The following ZC2HC1A variants were observed in gnomAD, a reference collection of about 807,000 sequenced individuals.
ZC2HC1A encodes zinc finger C2HC domain-containing protein 1A.
ZC2HC1A carries 28 observed loss-of-function variants against 40.7 expected under a neutral mutation model. That is an observed-to-expected ratio of 0.69 (90% CI 0.51 to 0.94). The LOEUF (loss-of-function observed/expected upper bound fraction) is 0.94. ZC2HC1A is among the 40% of genes least tolerant of loss of function. The pLI is 0.00. For missense variants in ZC2HC1A, 389 were observed against 386.3 expected, an observed-to-expected ratio of 1.01 and a Z score of -0.06; for synonymous variants, 129 against 129.2, an observed-to-expected ratio of 1.00 and a Z score of 0.01.
intron 5 of ZC2HC1A, among the ~76,000 whole-genome samples, chr8:78,696,138 C>T (rs1358187355): frequency 6.6e-6 from 1 of 151,890 alleles, no homozygotes; most frequent in African/African-American, 2.4e-5. Flanking sequence ...GGGTTCACGC[C>T]ATTCTCCTGC....
chr8:78,666,939 A>T (rs1298751364), intron 1 of ZC2HC1A, among the ~76,000 whole-genome samples: 1 of 152,240 alleles, frequency 6.6e-6, no homozygotes, highest in East Asian at 1.9e-4. Context: ...GGAAGGACAA[A>T]AACCACAATA....
intron 5 of ZC2HC1A, among the ~76,000 whole-genome samples, chr8:78,693,655 G>A (rs1810296512): frequency 6.6e-6 from 1 of 151,954 alleles, no homozygotes; most frequent in African/African-American, 2.4e-5. Flanking sequence ...TGAGTAGATT[G>A]CAAAAATTTT....
At chr8:78,686,340 GAT>G in intron 3 of ZC2HC1A, 125 bp from the exon 4 acceptor site, 1 of 770,846 alleles carries the variant, frequency 1.3e-6, no homozygotes, top group African/African-American at 1.8e-5. Flanking sequence ...ATTTGAGAAG[GAT>G]ATCATTTAAG....
At chr8:78,676,143 A>C in intron 2 of ZC2HC1A, 2 of 236,592 alleles carry the variant, frequency 8.5e-6, no homozygotes, top group Non-Finnish European at 8.0e-6. Flanking sequence ...AAAAAACAAA[A>C]TCAGATACCT....
chr8:78,715,142 C>G (rs1811059647), intron 7 of ZC2HC1A, 79 bp from the exon 8 acceptor site: 2 of 1,227,364 alleles, frequency 1.6e-6, no homozygotes, highest in Non-Finnish European at 1.1e-6. Flanking sequence ...AGTATTCTTT[C>G]TAGTCATGTG....
At chr8:78,700,337 T>A (rs1389018759) in intron 7 of ZC2HC1A, among the ~76,000 whole-genome samples, 3 of 152,096 alleles carry the variant, frequency 2.0e-5, no homozygotes, top group African/African-American at 7.2e-5. Flanking sequence ...CTTGTAAGTT[T>A]CTTTTTTTCT....
chr8:78,692,963 T>C (rs1040226052), intron 5 of ZC2HC1A, among the ~76,000 whole-genome samples: 161 of 152,046 alleles, frequency 1.1e-3, no homozygotes, highest in Non-Finnish European at 1.6e-3. Flanking sequence ...TTCCCACCTA[T>C]GAGTGAGAAC....
chr8:78,682,451 A>G (rs924676179), intron 3 of ZC2HC1A, among the ~76,000 whole-genome samples: 2 of 152,164 alleles, frequency 1.3e-5, no homozygotes, highest in African/African-American at 2.4e-5. Context: ...CACATCTTAC[A>G]TGGCGGCAGA....
chr8:78,693,211 T>G (rs555073318), intron 5 of ZC2HC1A, among the ~76,000 whole-genome samples: 2 of 152,172 alleles, frequency 1.3e-5, no homozygotes, highest in African/African-American at 4.8e-5. Flanking sequence ...TGTGTCTTTA[T>G]AGCAGCATGA....
rs1348693474 is a variant in ZC2HC1A, at chr8:78,718,436, A to G, written c.*943A>G. On this transcript the variant is annotated 3_prime_UTR_variant, in exon 9 of 9. Transcript: ENST00000263849. ...ATTTTAATGCATCTTAAATCACGTC[A>G]CCTAATCATAATAGTTGTGGTAACT... 1 of 151,962 alleles carries G rather than the reference A, an allele frequency of 6.6e-6. No individual in the cohort carries two copies. Among genetic ancestry groups the G allele is most frequent in the African/African-American group, 2.4e-5 (1 of 41,448 alleles). 9.4% of individuals were successfully genotyped at this position (151,962 alleles called of 1,614,324 possible).
chr8:78,697,914 G>A (rs996656869), intron 6 of ZC2HC1A, among the ~76,000 whole-genome samples: 7 of 151,974 alleles, frequency 4.6e-5, no homozygotes, highest in African/African-American at 1.5e-4. Flanking sequence ...TCCTGAACTC[G>A]TGATCCCCCA....
chr8:78,675,375 T>C (rs1809548120), intron 1 of ZC2HC1A, among the ~76,000 whole-genome samples: 1 of 151,986 alleles, frequency 6.6e-6, no homozygotes. Context: ...CTTCAAATCA[T>C]CTCAGGAAGT....
intron 5 of ZC2HC1A, among the ~76,000 whole-genome samples, chr8:78,696,370 G>A (rs1298700096): frequency 1.3e-5 from 2 of 152,076 alleles, no homozygotes; most frequent in East Asian, 1.9e-4. Flanking sequence ...TCTTGATACC[G>A]TATTGGGCTA....
At position 78,718,613 on chromosome 8, in the gene ZC2HC1A, T is replaced by A. The variant is rs1250904971; in HGVS notation, c.*1120T>A. The A allele has an allele frequency of 1.3e-4, 20 of 151,858 alleles. No homozygotes were observed. 9.4% of individuals were successfully genotyped at this position (151,858 alleles called of 1,614,324 possible). ...TGTTGAAACACCATTCACGTCACAT[T>A]AAGGACCCACTGAAAATGTATTGTT... On this transcript the variant is annotated 3_prime_UTR_variant, in exon 9 of 9. Coordinates refer to ENST00000263849, the MANE Select transcript of ZC2HC1A (RefSeq NM_016010.3).
intron 3 of ZC2HC1A, among the ~76,000 whole-genome samples, chr8:78,680,836 A>G (rs1425398417): frequency 1.3e-5 from 2 of 152,186 alleles, no homozygotes; most frequent in African/African-American, 2.4e-5. Context: ...GAGAGATCTT[A>G]TCAGATAGTA....
At chr8:78,700,072 A>C (rs1305589543) in intron 7 of ZC2HC1A, among the ~76,000 whole-genome samples, 1 of 152,190 alleles carries the variant, frequency 6.6e-6, no homozygotes, top group African/African-American at 2.4e-5. Context: ...AGTAATTTAC[A>C]TTCCCACCAG....
In ZC2HC1A at chr8:78,697,416, C is replaced by T. The variant is rs1390338258; in HGVS notation, c.514C>T (p.Pro172Ser). The T allele has an allele frequency of 1.3e-6, 2 of 1,597,706 alleles. No homozygotes were observed. The highest frequency in any genetic ancestry group is 3.6e-5 in the Admixed American group (2 of 55,370). The change falls in exon 6 of 9, where the codon CCC (proline) becomes TCC (serine). Residue 172 changes from proline to serine, a missense_variant. Coordinates refer to ENST00000263849, the MANE Select transcript of ZC2HC1A (RefSeq NM_016010.3). ...TTTTCCATTATTTTAGTATAAGCCA[C>T]CCGCACTTAAAAAGTCAAATTCTCC... ...PTSRTQVYKPPALKKSNSPGT... is the reference protein window; with the variant it reads ...PTSRTQVYKPSALKKSNSPGT...
Position 78,715,157 on chromosome 8 carries a change from G to A in ZC2HC1A, c.705-64G>A, listed in dbSNP as rs1231842671. The A allele has an allele frequency of 2.1e-6, 3 of 1,398,636 alleles. No homozygotes were observed. The East Asian group carries it at 7.1e-5, about 33-fold the overall frequency. 86.6% of individuals were successfully genotyped at this position (1,398,636 alleles called of 1,614,324 possible). A position where few individuals can be genotyped will look rare whatever the true frequency, so the allele number is the denominator to read the frequency against. ...AGTATTCTTTCTAGTCATGTGAATA[G>A]GTAATTTGAGAAATACATGCTCACT... On this transcript the variant is annotated intron_variant, in intron 7 of 8. Transcript: ENST00000263849.
intron 6 of ZC2HC1A, 43 bp from the exon 7 acceptor site, chr8:78,698,371 C>CT: frequency 6.7e-7 from 1 of 1,499,484 alleles, no homozygotes; most frequent in Non-Finnish European, 9.1e-7. Context: ...TTTATGTAAC[C>CT]TTTTTTAGAG....
Sources: allele counts gnomAD v4.1 joint callset (sites outside exome capture counted in the v4.1 genomes callset), GRCh38; gene constraint gnomAD v4.1.1; transcripts MANE v1.5; gene names NCBI Gene and HGNC (gene_info 2026-07-23, HGNC 2026-07-21).